Variants in AR observed in about 807,000 individuals in gnomAD.
AR encodes the protein androgen receptor.
AR carries 8 observed loss-of-function variants against 53.9 expected under a neutral mutation model. The ratio of observed to expected loss-of-function variants is 0.15; its 90% CI spans 0.09 to 0.27. The LOEUF (loss-of-function observed/expected upper bound fraction) is 0.27, where lower values mean the gene tolerates loss of function less well. Among genes scored for constraint, AR ranks in the 10% least tolerant of loss-of-function variants. The probability of loss-of-function intolerance (pLI) is 1.00; values close to 1 mark genes in which losing one functional copy is unlikely to be tolerated. For synonymous variants in AR, 359 were observed against 316.4 expected, an observed-to-expected ratio of 1.13 and a Z score of -1.43; for missense variants, 639 against 742.5, an observed-to-expected ratio of 0.86 and a Z score of 1.62.
intron 2 of AR, among the ~76,000 whole-genome samples, chrX:67,648,013 G>A (rs1005670565): frequency 8.9e-6 from 1 of 111,766 alleles, no homozygotes; most frequent in Non-Finnish European, 1.9e-5. Flanking sequence ...TTTGGTTTAT[G>A]GGCTGCAGTT....
At chrX:67,645,446 G>T (rs951969911) in intron 2 of AR, among the ~76,000 whole-genome samples, 1 of 110,615 alleles carries the variant, frequency 9.0e-6, no homozygotes, top group Non-Finnish European at 1.9e-5. Flanking sequence ...GAACAGGGAA[G>T]AAAAGAAATG....
chrX:67,691,696 G>A (rs2075996405), intron 3 of AR, among the ~76,000 whole-genome samples: 1 of 112,013 alleles, frequency 8.9e-6, no homozygotes, highest in African/African-American at 3.2e-5. Flanking sequence ...GCAGATGTGT[G>A]TGTCATTAAG....
chrX:67,664,155 G>C (rs1301193582), intron 2 of AR, among the ~76,000 whole-genome samples: 2 of 112,070 alleles, frequency 1.8e-5, no homozygotes, highest in Admixed American at 1.9e-4. Context: ...TTGTTCCATT[G>C]CTGGTGAGGA....
rs1441175944 is a variant in AR, at chrX:67,711,486, C to G, written c.1970C>G (p.Thr657Ser). 8.3e-7 allele frequency: 1 copy of G among 1,210,203 alleles called. No homozygotes were observed. Among genetic ancestry groups the G allele is most frequent in the Non-Finnish European group, 1.1e-6 (1 of 894,792 alleles). Residue 657 changes from threonine (T) to serine (S), a missense_variant, in exon 4 of 8, where the codon ACC becomes AGC. Thr to Ser is a moderately conservative substitution (Grantham distance 58). Coordinates refer to ENST00000374690, the MANE Select transcript of AR (RefSeq NM_000044.6). ...ACCACCAGCCCCACTGAGGAGACAA[C>G]CCAGAAGCTGACAGTGTCACACATT... ...SSTTSPTEET[T>S]QKLTVSHIEG...
chrX:67,564,673 G>C (rs762306269), intron 1 of AR, among the ~76,000 whole-genome samples: 1 of 111,935 alleles, frequency 8.9e-6, no homozygotes, highest in African/African-American at 3.2e-5. Flanking sequence ...GTAGCTGAGA[G>C]TAGCATGGAA....
intron 2 of AR, among the ~76,000 whole-genome samples, chrX:67,682,278 A>G (rs758178993): frequency 9.0e-6 from 1 of 110,762 alleles, no homozygotes; most frequent in East Asian, 2.8e-4. Context: ...TGCACAGATT[A>G]TTATTATTAT....
intron 1 of AR, among the ~76,000 whole-genome samples, chrX:67,613,408 C>T (rs1244978173): frequency 1.8e-5 from 2 of 111,427 alleles, no homozygotes; most frequent in Non-Finnish European, 3.8e-5. Flanking sequence ...AGGGCACTGT[C>T]AAAAATAATG....
intron 2 of AR, among the ~76,000 whole-genome samples, chrX:67,652,297 A>G (rs1267547620): frequency 8.9e-6 from 1 of 111,974 alleles, no homozygotes; most frequent in Non-Finnish European, 1.9e-5. Context: ...CCTGAAGACC[A>G]TGGACTTCTA....
intron 3 of AR, among the ~76,000 whole-genome samples, chrX:67,706,805 A>C (rs1017980946): frequency 8.9e-6 from 1 of 111,957 alleles, no homozygotes; most frequent in Non-Finnish European, 1.9e-5. Flanking sequence ...ATTTCCCTCT[A>C]CACACTACTT....
chrX:67,617,055 G>C (rs1310320232), intron 1 of AR, among the ~76,000 whole-genome samples: 1 of 111,856 alleles, frequency 8.9e-6, no homozygotes, highest in Non-Finnish European at 1.9e-5. Context: ...GGATGAGCAT[G>C]AAACATATAT....
chrX:67,584,818 G>A (rs180989734), intron 1 of AR, among the ~76,000 whole-genome samples: 1 of 112,111 alleles, frequency 8.9e-6, no homozygotes, highest in African/African-American at 3.2e-5. Context: ...TTTTTGGGTA[G>A]AGCAGGTCCT....
chrX:67,638,787 T>G (rs1569291472), intron 1 of AR, among the ~76,000 whole-genome samples: 1 of 112,308 alleles, frequency 8.9e-6, no homozygotes, highest in Non-Finnish European at 1.9e-5. Flanking sequence ...GCTTGTTCAC[T>G]CTGATGATCG....
intron 1 of AR, 125 bp from the exon 2 acceptor site, chrX:67,643,127 CACTA>C (rs1207140077): frequency 5.4e-5 from 45 of 835,684 alleles, no homozygotes; most frequent in Middle Eastern, 2.8e-4. Context: ...TTCAGCTTCA[CACTA>C]ACTAACTTGA....
chrX:67,587,501 C>T (rs1344457943), intron 1 of AR, among the ~76,000 whole-genome samples: 1 of 111,786 alleles, frequency 8.9e-6, no homozygotes, highest in Non-Finnish European at 1.9e-5. Flanking sequence ...TTATTTATTA[C>T]TGCATCTACA....
At chrX:67,591,071 G>C (rs1307827689) in intron 1 of AR, among the ~76,000 whole-genome samples, 2 of 111,511 alleles carry the variant, frequency 1.8e-5, no homozygotes, top group African/African-American at 6.5e-5. Flanking sequence ...TAAACTTTAA[G>C]CCAGGTATGT....
At chrX:67,689,744 C>G in intron 3 of AR, 3 of 836,198 alleles carry the variant, frequency 3.6e-6, no homozygotes, top group Non-Finnish European at 4.4e-6. Context: ...AATCCCTTGA[C>G]TACTTTTCAT....
At chrX:67,706,515 G>A (rs947388637) in intron 3 of AR, among the ~76,000 whole-genome samples, 1 of 110,951 alleles carries the variant, frequency 9.0e-6, no homozygotes, top group Non-Finnish European at 1.9e-5. Flanking sequence ...ATTTTTTATT[G>A]CATCTATTTG....
At chrX:67,613,883 T>C (rs1923992033) in intron 1 of AR, among the ~76,000 whole-genome samples, 1 of 112,213 alleles carries the variant, frequency 8.9e-6, no homozygotes, top group Non-Finnish European at 1.9e-5. Flanking sequence ...TCTGAAGTGT[T>C]TGTCCCTACC....
chrX:67,648,968 G>T (rs1020887807), intron 2 of AR, among the ~76,000 whole-genome samples: 2 of 111,498 alleles, frequency 1.8e-5, no homozygotes, highest in African/African-American at 3.3e-5. Flanking sequence ...GTGGTGTGCT[G>T]CAACCAACAA....
Sources: gnomAD v4.1 joint callset for allele counts (sites outside exome capture counted in the v4.1 genomes callset) on GRCh38, gnomAD v4.1.1 for gene constraint, MANE v1.5 for transcripts, NCBI Gene and HGNC (gene_info 2026-07-23, HGNC 2026-07-21) for gene names.